Variants in ABCA8 observed in about 807,000 individuals in gnomAD.
ABCA8 encodes the protein ABC-type organic anion transporter ABCA8.
In ABCA8, 177 loss-of-function variants were observed where a neutral mutation model predicts 192.3. That is an observed-to-expected ratio of 0.92 (90% confidence interval 0.81 to 1.04). The LOEUF is 1.04. Ranked by LOEUF, ABCA8 falls within the 50% of genes least tolerant of loss-of-function variation. ABCA8 has a pLI of 0.00. For synonymous variants in ABCA8, 642 were observed against 690.2 expected, an observed-to-expected ratio of 0.93 and a Z score of 1.09; for missense variants, 1,915 against 1,904.8, an observed-to-expected ratio of 1.01 and a Z score of -0.10.
chr17:68,921,487 C>T lies in ABCA8; in HGVS notation c.1507G>A (p.Val503Ile), dbSNP rs2067532488. ...PDKIEALKDL[V>I]FDIYEGQITA... ...ATTTGGCCTTCGTAAATGTCAAATACCAGATCTAGGAAGAAAAAAAGAAAG... is the reference window on the plus strand; with the variant it reads ...ATTTGGCCTTCGTAAATGTCAAATATCAGATCTAGGAAGAAAAAAAGAAAG... Residue 503 changes from valine (V) to isoleucine (I), a missense_variant, in exon 13 of 40, where the codon GTA becomes ATA. Val to Ile is a conservative substitution (Grantham distance 29). Transcript: ENST00000586539. 1 of 1,589,084 alleles carries T rather than the reference C, an allele frequency of 6.3e-7. No individual in the cohort carries two copies. The highest frequency in any genetic ancestry group is 1.7e-5 in the Admixed American group (1 of 59,478).
Position 68,903,518 on chromosome 17 carries a change from G to C in ABCA8, c.2399-19C>G. 1 of 1,612,282 alleles carries C rather than the reference G, an allele frequency of 6.2e-7. No homozygotes were observed. The highest frequency in any genetic ancestry group is 2.2e-5 in the East Asian group (1 of 44,854). ...GCAATGTCTGCAAAACATAAAATAA[G>C]CAACTCATATGTACTTTATTGAGCT... On this transcript the variant is annotated intron_variant, in intron 19 of 39. Coordinates refer to ENST00000586539, the MANE Select transcript of ABCA8 (RefSeq NM_001288985.2).
At chr17:68,907,991 C>G in intron 17 of ABCA8, 112 bp from the exon 18 acceptor site, 1 of 1,025,496 alleles carries the variant, frequency 9.8e-7, no homozygotes, top group Non-Finnish European at 1.3e-6. Flanking sequence ...AAATCTAATG[C>G]CAGAAATAGG....
chr17:68,876,304 CT>C lies in ABCA8; in HGVS notation c.4370+155del, dbSNP rs4148026. 6.5e-3 allele frequency: 4,539 copies of C among 696,978 alleles called. 22 individuals carry two copies. The highest frequency in any genetic ancestry group is 0.026 in the African/African-American group (1,394 of 53,790). 43.2% of individuals were successfully genotyped at this position (696,978 alleles called of 1,614,324 possible). A position where few individuals can be genotyped will look rare whatever the true frequency, so the allele number is the denominator to read the frequency against. On this transcript the variant is annotated intron_variant, in intron 35 of 39. Coordinates refer to ENST00000586539, the MANE Select transcript of ABCA8 (RefSeq NM_001288985.2). ...TTGTAAAATATCATCAGGGAAAGAT[CT>C]TTTTTTTTTGCAAAGTATTGGTTTT...
Position 68,922,194 on chromosome 17 carries a change from CTTTTT to C in ABCA8, c.1501+43_1501+47del, listed in dbSNP as rs201226205. 34 of 527,368 alleles carry C rather than the reference CTTTTT, an allele frequency of 6.4e-5. No individual in the cohort carries two copies. In the African/African-American group the frequency reaches 9.7e-4, roughly 15 times the overall value. 32.7% of individuals were successfully genotyped at this position (527,368 alleles called of 1,614,324 possible). A position where few individuals can be genotyped will look rare whatever the true frequency, so the allele number is the denominator to read the frequency against. On this transcript the variant is annotated intron_variant, in intron 12 of 39. Transcript: ENST00000586539. ...TAACAAATATTTTCTTTCTCTCTCT[CTTTTT>C]TTTTTTTTTTTTTTTTTTTTTTTTT...
intron 24 of ABCA8, among the ~76,000 whole-genome samples, chr17:68,888,277 A>G (rs1487835853): frequency 6.6e-6 from 1 of 152,062 alleles, no homozygotes; most frequent in Non-Finnish European, 1.5e-5. Context: ...CTAAATAAAC[A>G]TACCAAATTA....
rs34253086 is a variant in ABCA8 at position 68,927,448 on chromosome 17, A to AT, written c.1273+467dup. 1.8e-3 allele frequency among the ~76,000 whole-genome samples: 279 copies of AT among 151,630 alleles called. 1 individual carries two copies. Among genetic ancestry groups the AT allele is most frequent in the Admixed American group, 6.0e-3 (91 of 15,228 alleles). ...TTTCCTATTGTGAACTTCTGGGGAG[A>AT]TTTTTTTTTAAACGTAGATGCATTG... On this transcript the variant is annotated intron_variant, in intron 10 of 39. Coordinates refer to ENST00000586539, the MANE Select transcript of ABCA8 (RefSeq NM_001288985.2).
At chr17:68,932,165 A>G (rs1041897063) in intron 7 of ABCA8, 123 bp downstream of exon 7, 65 of 691,100 alleles carry the variant, frequency 9.4e-5, no homozygotes, top group Admixed American at 2.9e-5. Flanking sequence ...AGCTGAGATC[A>G]CGCCACTGCA....
chr17:68,907,524 C>T (rs2067102508), intron 18 of ABCA8, among the ~76,000 whole-genome samples: 1 of 152,028 alleles, frequency 6.6e-6, no homozygotes, highest in Non-Finnish European at 1.5e-5. Context: ...TAAAAGAAGC[C>T]CTCTAAAATG....
intron 9 of ABCA8, 36 bp downstream of exon 9, chr17:68,929,013 G>A: frequency 7.2e-7 from 1 of 1,387,758 alleles, no homozygotes; most frequent in Non-Finnish European, 9.5e-7. Context: ...AGATGTTTCA[G>A]AAATGCCATT....
intron 3 of ABCA8, 37 bp downstream of exon 3, chr17:68,941,902 A>G (rs1432731111): frequency 1.4e-6 from 2 of 1,451,642 alleles, no homozygotes; most frequent in Non-Finnish European, 1.9e-6. Flanking sequence ...GTATTTTCCT[A>G]TCATAAATAG....
Position 68,921,760 on chromosome 17 carries a change from T to C in ABCA8, c.1502-268A>G, listed in dbSNP as rs192916560. Among the ~76,000 whole-genome samples the C allele has an allele frequency of 2.1e-3, 327 of 152,318 alleles. 9 individuals are homozygous for C. In the South Asian group the frequency reaches 0.054, roughly 25 times the overall value. ...GAAACATATCTATATAATAGGTTGA[T>C]TGACATTGCCTGCATATGGTAGGTC... On this transcript the variant is annotated intron_variant, in intron 12 of 39. Transcript: ENST00000586539.
chr17:68,889,295 A>C (rs2066570159), intron 24 of ABCA8, among the ~76,000 whole-genome samples: 2 of 152,208 alleles, frequency 1.3e-5, no homozygotes, highest in Admixed American at 1.3e-4. Flanking sequence ...TATTAATCAT[A>C]TAAATTCACC....
chr17:68,928,155 T>C (rs2067754818), intron 9 of ABCA8, 92 bp from the exon 10 acceptor site: 1 of 1,036,888 alleles, frequency 9.6e-7, no homozygotes, highest in Admixed American at 3.1e-5. Flanking sequence ...TGACTACTTA[T>C]TGCCTCATAC....
In ABCA8 at chr17:68,875,718, G is replaced by A; in HGVS notation, c.4386C>T (p.Ala1462=). ...GQQQMWQAIR[A]TFRNTERGAL... The stretch of plus-strand genomic sequence containing the variant: ...CACCCCTTTCCGTGTTTCTAAAGGT[G>A]GCCCGGATGGCCTGCCTATAATGTC... Residue 1462 remains alanine (A), a synonymous_variant, in exon 36 of 40, where the codon GCC becomes GCT. Transcript: ENST00000586539. 2 of 1,613,642 alleles carry A rather than the reference G, an allele frequency of 1.2e-6. No homozygotes were observed. The highest frequency in any genetic ancestry group is 1.1e-5 in the South Asian group (1 of 91,008).
rs1446446818 is a variant in ABCA8, at chr17:68,907,815, C to T, written c.2203G>A (p.Asp735Asn). The T allele has an allele frequency of 1.2e-6, 2 of 1,608,346 alleles. No individual in the cohort carries two copies. Among genetic ancestry groups the T allele is most frequent in the Non-Finnish European group, 1.7e-6 (2 of 1,177,582 alleles). Residue 735 changes from aspartate (D) to asparagine (N), a missense_variant, in exon 18 of 40, where the codon GAT becomes AAT. Transcript: ENST00000586539. ...TCGCTTTTGGCTGATAATTTGGCATCAGGGATGTGCTGTTTAACAAGTGAT... is the reference window on the plus strand; with the variant it reads ...TCGCTTTTGGCTGATAATTTGGCATTAGGGATGTGCTGTTTAACAAGTGAT... ...ITSLVKQHIP[D>N]AKLSAKSEGK...
At chr17:68,921,352 TA>T (rs749549307) in intron 13 of ABCA8, 29 bp downstream of exon 13, 353 of 1,473,672 alleles carry the variant, frequency 2.4e-4, no homozygotes, top group South Asian at 2.8e-4. Flanking sequence ...AAGTATAATT[TA>T]AAAAAAAAGA....
At chr17:68,870,710 T>C (rs1386564230) in intron 37 of ABCA8, among the ~76,000 whole-genome samples, 1 of 152,214 alleles carries the variant, frequency 6.6e-6, no homozygotes, top group Non-Finnish European at 1.5e-5. Context: ...TTTCATTACA[T>C]GTACCTAACA....
rs2066366412 is a variant in ABCA8, at chr17:68,882,722, A to G, written c.3708-3T>C. The G allele has an allele frequency of 6.2e-7, 1 of 1,610,094 alleles. No individual in the cohort carries two copies. ...CATCACTACTTCTTGGAGAAATTCT[A>G]GAGTCAAAACCATCCATTAATATTG... On this transcript the variant is annotated splice_polypyrimidine_tract_variant and splice_region_variant and intron_variant, in intron 29 of 39. Coordinates refer to ENST00000586539, the MANE Select transcript of ABCA8 (RefSeq NM_001288985.2).
chr17:68,907,918 G>A (rs779117273), intron 17 of ABCA8, 39 bp from the exon 18 acceptor site: 4 of 1,515,904 alleles, frequency 2.6e-6, no homozygotes, highest in African/African-American at 1.4e-5. Context: ...TATGTTACTC[G>A]ACATAGTCTC....
Sources: gnomAD v4.1 joint callset for allele counts (sites outside exome capture counted in the v4.1 genomes callset) on GRCh38, gnomAD v4.1.1 for gene constraint, MANE v1.5 for transcripts, NCBI Gene and HGNC (gene_info 2026-07-23, HGNC 2026-07-21) for gene names.